The following COL5A2 variants were observed in gnomAD, a reference collection of about 807,000 sequenced individuals.
COL5A2 encodes the protein collagen alpha-2(V) chain.
A neutral mutation model predicts 208.2 loss-of-function variants in COL5A2; 23 were observed. The observed-to-expected ratio is 0.11, with a 90% CI of 0.08 to 0.16. The LOEUF is 0.16. Ranked by LOEUF, COL5A2 falls within the 10% of genes least tolerant of loss-of-function variation. COL5A2 has a pLI of 1.00. For missense variants in COL5A2, 1,590 were observed against 1,956.4 expected, an observed-to-expected ratio of 0.81 and a Z score of 3.53; for synonymous variants, 625 against 628.5, an observed-to-expected ratio of 0.99 and a Z score of 0.08.
the COL5A2 span, among the ~76,000 whole-genome samples, chr2:189,364,541 G>A: frequency 6.6e-6 from 1 of 152,098 alleles, no homozygotes; most frequent in Non-Finnish European, 1.5e-5. Flanking sequence ...ATAAAAATTA[G>A]CCAGGCGTGG....
chr2:189,042,196 G>A (rs566384112), intron 49 of COL5A2, among the ~76,000 whole-genome samples: 1 of 151,908 alleles, frequency 6.6e-6, no homozygotes, highest in Non-Finnish European at 1.5e-5. Flanking sequence ...AAATAATTAT[G>A]TCCACCAATT....
chr2:189,081,998 G>A (rs1375934673), intron 12 of COL5A2, among the ~76,000 whole-genome samples: 1 of 152,096 alleles, frequency 6.6e-6, no homozygotes, highest in African/African-American at 2.4e-5. Flanking sequence ...ATCACTTATT[G>A]ATTATTATTC....
At chr2:189,357,899 G>C in the COL5A2 span, among the ~76,000 whole-genome samples, 1 of 152,106 alleles carries the variant, frequency 6.6e-6, no homozygotes, top group African/African-American at 2.4e-5. Flanking sequence ...GAAGACTGTG[G>C]GGAAAAATGC....
At chr2:189,426,620 C>T in the COL5A2 span, among the ~76,000 whole-genome samples, 71 of 152,332 alleles carry the variant, frequency 4.7e-4, 1 homozygote, top group African/African-American at 1.7e-3. Flanking sequence ...AGCATGTGTC[C>T]TCAACCTTGG....
the COL5A2 span, among the ~76,000 whole-genome samples, chr2:189,263,833 T>C: frequency 1.3e-5 from 2 of 152,164 alleles, no homozygotes; most frequent in Non-Finnish European, 2.9e-5. Context: ...TCTAGGTTTG[T>C]CTAAGTACAC....
the COL5A2 span, among the ~76,000 whole-genome samples, chr2:189,301,753 C>T: frequency 2.6e-5 from 4 of 152,138 alleles, no homozygotes; most frequent in African/African-American, 7.2e-5. Flanking sequence ...ATATTCTCCA[C>T]ATTTATTTGA....
At chr2:189,325,877 A>C in the COL5A2 span, among the ~76,000 whole-genome samples, 1 of 152,146 alleles carries the variant, frequency 6.6e-6, no homozygotes, top group Non-Finnish European at 1.5e-5. Context: ...CAGGCAGATC[A>C]CTTGAGGTCA....
the COL5A2 span, among the ~76,000 whole-genome samples, chr2:189,403,039 T>C: frequency 6.6e-6 from 1 of 152,230 alleles, no homozygotes; most frequent in East Asian, 1.9e-4. Context: ...TTCCTATCCA[T>C]GAGCATGGAA....
chr2:189,235,353 T>C, the COL5A2 span, among the ~76,000 whole-genome samples: 1 of 151,848 alleles, frequency 6.6e-6, no homozygotes, highest in East Asian at 1.9e-4. Flanking sequence ...AGAGTCTTCA[T>C]TATTTTTTCA....
At chr2:189,110,191 G>T in intron 2 of COL5A2, 34 bp downstream of exon 2, 1 of 1,401,166 alleles carries the variant, frequency 7.1e-7, no homozygotes, top group Non-Finnish European at 1.0e-6. Context: ...GTGAGTAACT[G>T]GATCAATTAT....
At position 189,032,592 on chromosome 2, in the gene COL5A2, G is replaced by C. The variant is rs1313931191; in HGVS notation, c.*1478C>G. 6.6e-6 allele frequency: 1 copy of C among 152,038 alleles called. No homozygotes were observed. Among genetic ancestry groups the C allele is most frequent in the Non-Finnish European group, 1.5e-5 (1 of 67,990 alleles). The allele number at this position is 152,038 out of a possible 1,614,324, so 9.4% of individuals were successfully genotyped here. A position where few individuals can be genotyped will look rare whatever the true frequency, so the allele number is the denominator to read the frequency against. ...AAGTTGTATGCATGGCTTGTCTTTT[G>C]GGATGGTCCCAGCTGTTTATTTTAA... On this transcript the variant is annotated 3_prime_UTR_variant, in exon 54 of 54. Transcript: ENST00000374866.
chr2:189,259,395 T>C, the COL5A2 span, among the ~76,000 whole-genome samples: 1 of 152,214 alleles, frequency 6.6e-6, no homozygotes, highest in African/African-American at 2.4e-5. Context: ...TACTTCACTA[T>C]GGTAACCATA....
At chr2:189,176,810 A>AT (rs148325719) in intron 1 of COL5A2, among the ~76,000 whole-genome samples, 3,775 of 152,034 alleles carry the variant, frequency 0.025, 163 homozygotes, top group African/African-American at 0.087. Context: ...TTAAAAGCTG[A>AT]TTTTTTTCAT....
At chr2:189,096,567 A>T (rs970645647) in intron 6 of COL5A2, among the ~76,000 whole-genome samples, 2 of 147,694 alleles carry the variant, frequency 1.4e-5, no homozygotes, top group Non-Finnish European at 3.0e-5. Flanking sequence ...GCTTGCAGTG[A>T]GCCGAGATCA....
chr2:189,298,407 CT>C, the COL5A2 span, among the ~76,000 whole-genome samples: 2 of 152,148 alleles, frequency 1.3e-5, no homozygotes, highest in African/African-American at 4.8e-5. Context: ...CAACCTCATT[CT>C]CCAATTCCAT....
the COL5A2 span, among the ~76,000 whole-genome samples, chr2:189,314,854 A>G: frequency 6.6e-6 from 1 of 152,198 alleles, no homozygotes; most frequent in Non-Finnish European, 1.5e-5. Context: ...ATTTCTGGAC[A>G]CATACACCCT....
At chr2:189,229,220 A>G (rs182561459), upstream of COL5A2, among the ~76,000 whole-genome samples, 1 of 151,886 alleles carries the variant, frequency 6.6e-6, no homozygotes, top group Admixed American at 6.6e-5. Context: ...TGAAAAACTG[A>G]TAGTTTTTCC....
At chr2:189,146,519 A>G (rs1247724265) in intron 1 of COL5A2, among the ~76,000 whole-genome samples, 1 of 152,072 alleles carries the variant, frequency 6.6e-6, no homozygotes, top group African/African-American at 2.4e-5. Context: ...TGAAGGTTGT[A>G]TCATGGGTGC....
the COL5A2 span, among the ~76,000 whole-genome samples, chr2:189,423,464 G>T: frequency 6.6e-6 from 1 of 151,252 alleles, no homozygotes; most frequent in Admixed American, 6.6e-5. Flanking sequence ...ATTTTGAAAA[G>T]ATTAGAAAAA....
Sources: allele counts gnomAD v4.1 joint callset (sites outside exome capture counted in the v4.1 genomes callset), GRCh38; gene constraint gnomAD v4.1.1; transcripts MANE v1.5; gene names NCBI Gene and HGNC (gene_info 2026-07-23, HGNC 2026-07-21).